The following KLHL2 variants were observed in gnomAD, a reference collection of about 807,000 sequenced individuals.
The protein encoded by KLHL2 is kelch like family member 2, also known as kelch-like protein 2.
In KLHL2, 15 loss-of-function variants were observed where a neutral mutation model predicts 75.8. That is an observed-to-expected ratio of 0.20 (90% CI 0.13 to 0.30). KLHL2 has a LOEUF of 0.30. KLHL2 is among the 10% of genes least tolerant of loss of function. The pLI, the probability that KLHL2 is intolerant of heterozygous loss-of-function variation, is 1.00. For missense variants in KLHL2, 381 were observed against 741.0 expected, an observed-to-expected ratio of 0.51 and a Z score of 5.64; for synonymous variants, 214 against 251.9, an observed-to-expected ratio of 0.85 and a Z score of 1.42.
At chr4:165,292,361 C>T (rs1304258816) in intron 5 of KLHL2, among the ~76,000 whole-genome samples, 1 of 151,534 alleles carries the variant, frequency 6.6e-6, no homozygotes, top group African/African-American at 2.4e-5. Context: ...GAGACAGAAT[C>T]TTACTCTGTT....
chr4:165,219,641 C>T (rs1737828297), intron 1 of KLHL2: 6 of 1,113,002 alleles, frequency 5.4e-6, no homozygotes, highest in Non-Finnish European at 6.6e-6. Flanking sequence ...CATTTCTCAA[C>T]AGTTTTATTT....
rs745481439 is a variant in KLHL2 at position 165,311,423 on chromosome 4, T to C, written c.1238-41T>C. Reference sequence around the variant, plus strand: ...TTCCATATATATGAACTATTGACATTTTTTAGAGAAGGAAATGAAGACTAT... The same window carrying C: ...TTCCATATATATGAACTATTGACATCTTTTAGAGAAGGAAATGAAGACTAT... On this transcript the variant is annotated intron_variant, in intron 10 of 14. Transcript: ENST00000226725. The C allele has an allele frequency of 2.9e-5, 42 of 1,433,098 alleles. 1 individual carries two copies. The South Asian group carries it at 4.5e-4, about 15-fold the overall frequency. The allele number at this position is 1,433,098 out of a possible 1,614,324, so 88.8% of individuals were successfully genotyped here. A position where few individuals can be genotyped will look rare whatever the true frequency, so the allele number is the denominator to read the frequency against.
In KLHL2 at chr4:165,279,197, C is replaced by T. The variant is rs772209065; in HGVS notation, c.545-15162C>T. On this transcript the variant is annotated intron_variant, in intron 5 of 14. Transcript: ENST00000226725. ...GAGGAGCCAGCGAAGTTTCACTGCA[C>T]TGAAGTAAGTGCTAAGTGGAAGGCC... 32 of 1,562,938 alleles carry T rather than the reference C, an allele frequency of 2.0e-5. No individual in the cohort carries two copies. The African/African-American group carries it at 3.8e-4, about 18-fold the overall frequency.
chr4:165,282,742 G>A (rs532076475), intron 5 of KLHL2, among the ~76,000 whole-genome samples: 182 of 137,270 alleles, frequency 1.3e-3, no homozygotes, highest in African/African-American at 4.8e-3. Context: ...GTTTATTGTG[G>A]TGGCAGAATT....
At chr4:165,245,017 G>A (rs1270021259) in intron 4 of KLHL2, among the ~76,000 whole-genome samples, 1 of 152,156 alleles carries the variant, frequency 6.6e-6, no homozygotes, top group African/African-American at 2.4e-5. Context: ...AGGCCAGCCT[G>A]CCCAACATGG....
intron 5 of KLHL2, among the ~76,000 whole-genome samples, chr4:165,292,040 A>G (rs560675159): frequency 4.6e-5 from 7 of 152,098 alleles, no homozygotes; most frequent in East Asian, 1.9e-4. Flanking sequence ...AATACCTAAT[A>G]TAGTGTATGT....
At chr4:165,299,217 A>G (rs1159693824) in intron 7 of KLHL2, among the ~76,000 whole-genome samples, 2 of 152,176 alleles carry the variant, frequency 1.3e-5, no homozygotes, top group Non-Finnish European at 2.9e-5. Context: ...TGGATATAAT[A>G]TCCGAAGAGT....
intron 3 of KLHL2, among the ~76,000 whole-genome samples, chr4:165,231,550 T>C (rs1311886605): frequency 2.6e-5 from 4 of 152,224 alleles, no homozygotes; most frequent in African/African-American, 9.6e-5. Context: ...TCTCACATAA[T>C]GTTTTTGAGG....
At chr4:165,259,649 G>A (rs1273987573) in intron 4 of KLHL2, among the ~76,000 whole-genome samples, 2 of 152,188 alleles carry the variant, frequency 1.3e-5, no homozygotes, top group East Asian at 3.9e-4. Flanking sequence ...TAATTACTCA[G>A]TAAATGGAAG....
chr4:165,217,687 T>C (rs1320563933), intron 1 of KLHL2, among the ~76,000 whole-genome samples: 1 of 152,184 alleles, frequency 6.6e-6, no homozygotes, highest in Admixed American at 6.5e-5. Flanking sequence ...TGGGGTTTGC[T>C]TAATTTTAGA....
intron 5 of KLHL2, among the ~76,000 whole-genome samples, chr4:165,288,566 T>C (rs1017018732): frequency 6.6e-6 from 1 of 152,182 alleles, no homozygotes; most frequent in Non-Finnish European, 1.5e-5. Context: ...TTTTTTCATA[T>C]CATGAGCTTC....
chr4:165,263,095 A>G, intron 4 of KLHL2, 102 bp from the exon 5 acceptor site: 1 of 1,004,448 alleles, frequency 1.0e-6, no homozygotes, highest in Middle Eastern at 2.6e-4. Flanking sequence ...ATGGACGCAG[A>G]TAATAAACTA....
Position 165,216,661 on chromosome 4 carries a change from A to G in KLHL2, c.27-3273A>G, listed in dbSNP as rs191900721. Among the ~76,000 whole-genome samples, 389 of 152,242 alleles carry G rather than the reference A, an allele frequency of 2.6e-3. 2 individuals carry two copies. Among genetic ancestry groups the G allele is most frequent in the African/African-American group, 9.1e-3 (379 of 41,502 alleles). On this transcript the variant is annotated intron_variant, in intron 1 of 14. Transcript: ENST00000226725. ...GTATATGTATATATGTCTCACATCT[A>G]TAGTTTTAGACATTATGCATCATTT... is the stretch of plus-strand genomic sequence containing the variant.
intron 5 of KLHL2, among the ~76,000 whole-genome samples, chr4:165,282,653 T>C (rs1322742262): frequency 9.2e-5 from 14 of 151,720 alleles, no homozygotes; most frequent in Non-Finnish European, 1.6e-4. Flanking sequence ...GTACAGACCA[T>C]TGAAGGATAA....
In KLHL2 at chr4:165,299,608, A is replaced by G; in HGVS notation, c.873A>G (p.Leu291=). Residue 291 remains leucine, a synonymous_variant, in exon 8 of 15, where the codon TTA becomes TTG. Coordinates refer to ENST00000226725, the MANE Select transcript of KLHL2 (RefSeq NM_007246.4). ...TGCTGCCAACAGAGCAGCGTATATTAATGAAGAGTGTCCGGACCCGGCTGA... is the reference window on the plus strand; with the variant it reads ...TGCTGCCAACAGAGCAGCGTATATTGATGAAGAGTGTCCGGACCCGGCTGA... ...YHLLPTEQRI[L]MKSVRTRLRT... 4.3e-6 allele frequency: 7 copies of G among 1,613,902 alleles called. No homozygotes were observed. Among genetic ancestry groups the G allele is most frequent in the Non-Finnish European group, 5.9e-6 (7 of 1,179,950 alleles).
intron 10 of KLHL2, among the ~76,000 whole-genome samples, chr4:165,310,966 T>C (rs1746128562): frequency 6.6e-6 from 1 of 151,398 alleles, no homozygotes; most frequent in Non-Finnish European, 1.5e-5. Context: ...GCCATTCTCC[T>C]GCCTCAGCCT....
chr4:165,264,288 C>G (rs951265431), intron 5 of KLHL2, among the ~76,000 whole-genome samples: 1 of 150,914 alleles, frequency 6.6e-6, no homozygotes, highest in African/African-American at 2.4e-5. Context: ...TGTATAGTCA[C>G]GAGGTCTGGG....
At chr4:165,288,842 T>A (rs2126464032) in intron 5 of KLHL2, among the ~76,000 whole-genome samples, 1 of 152,124 alleles carries the variant, frequency 6.6e-6, no homozygotes, top group Non-Finnish European at 1.5e-5. Flanking sequence ...TTTTTTTTTT[T>A]TTTTAACTTT....
chr4:165,228,803 A>G lies in KLHL2; in HGVS notation c.153-4A>G, dbSNP rs777871841. On this transcript the variant is annotated splice_region_variant and splice_polypyrimidine_tract_variant and intron_variant, in intron 2 of 14. Coordinates refer to ENST00000226725, the MANE Select transcript of KLHL2 (RefSeq NM_007246.4). ...TAAATTTTTTCTCTCTGCTTTTTAC[A>G]CAGTCAAAATTTGCTGTGCGATGTC... The G allele has an allele frequency of 5.6e-6, 9 of 1,603,626 alleles. No homozygotes were observed. In the East Asian group the frequency reaches 1.6e-4, roughly 28 times the overall value.
Sources: gnomAD v4.1 joint callset for allele counts (sites outside exome capture counted in the v4.1 genomes callset) on GRCh38, gnomAD v4.1.1 for gene constraint, MANE v1.5 for transcripts, NCBI Gene and HGNC (gene_info 2026-07-23, HGNC 2026-07-21) for gene names.